Variants in NKAIN2 observed in about 807,000 individuals in gnomAD.
The protein encoded by NKAIN2 is sodium/potassium transporting ATPase interacting 2, also known as sodium/potassium-transporting ATPase subunit beta-1-interacting protein 2.
NKAIN2 carries 14 observed loss-of-function variants against 32.6 expected under a neutral mutation model. The ratio of observed to expected loss-of-function variants is 0.43; its 90% CI spans 0.28 to 0.67. NKAIN2 has a LOEUF of 0.67. NKAIN2 is among the 30% of genes least tolerant of loss of function. The probability of loss-of-function intolerance (pLI) is 0.17; values close to 1 mark genes in which losing one functional copy is unlikely to be tolerated. For synonymous variants in NKAIN2, 80 were observed against 87.2 expected, an observed-to-expected ratio of 0.92 and a Z score of 0.46; for missense variants, 198 against 258.3, an observed-to-expected ratio of 0.77 and a Z score of 1.60.
intron 1 of NKAIN2, among the ~76,000 whole-genome samples, chr6:124,203,288 A>G (rs1478195452): frequency 6.6e-6 from 1 of 151,856 alleles, no homozygotes; most frequent in Admixed American, 6.6e-5. Flanking sequence ...ATTTTAGAGT[A>G]GAGAATAACT....
intron 1 of NKAIN2, among the ~76,000 whole-genome samples, chr6:123,925,639 A>G (rs1019787990): frequency 6.6e-6 from 1 of 152,158 alleles, no homozygotes; most frequent in African/African-American, 2.4e-5. Flanking sequence ...TGCTTTGGTT[A>G]GGTCTGCATG....
chr6:123,899,321 C>A, intron 1 of NKAIN2, among the ~76,000 whole-genome samples: 1 of 152,058 alleles, frequency 6.6e-6, no homozygotes, highest in East Asian at 1.9e-4. Context: ...TCCCTCTTTT[C>A]TTCCTCTGTA....
At chr6:124,795,478 C>T (rs1779956881) in intron 5 of NKAIN2, among the ~76,000 whole-genome samples, 5 of 152,138 alleles carry the variant, frequency 3.3e-5, no homozygotes, top group Admixed American at 3.3e-4. Flanking sequence ...CATCAAATGC[C>T]TGAGAACTTT....
intron 4 of NKAIN2, among the ~76,000 whole-genome samples, chr6:124,671,374 A>T (rs548002127): frequency 2.6e-5 from 4 of 152,244 alleles, no homozygotes; most frequent in African/African-American, 9.6e-5. Context: ...ATTTTCTCTC[A>T]TAGCAAACTA....
chr6:124,200,289 T>C (rs1790533745), intron 1 of NKAIN2, among the ~76,000 whole-genome samples: 2 of 152,152 alleles, frequency 1.3e-5, no homozygotes, highest in Non-Finnish European at 2.9e-5. Context: ...ATATTTGTTA[T>C]AACAGCATAA....
intron 1 of NKAIN2, among the ~76,000 whole-genome samples, chr6:124,150,361 A>G (rs959598671): frequency 2.0e-5 from 3 of 152,216 alleles, no homozygotes; most frequent in African/African-American, 7.2e-5. Flanking sequence ...CCAAAACCTC[A>G]GACATATCTG....
In NKAIN2 at chr6:124,759,112, C is replaced by G. The variant is rs566161064; in HGVS notation, c.475-32227C>G. On this transcript the variant is annotated intron_variant, in intron 4 of 6. Transcript: ENST00000368417. ...TATTGGGCATGCCCCTAGCATTAGC[C>G]CGAGAGAGTAAGCACTGCATCTAAC... 2.0e-5 allele frequency among the ~76,000 whole-genome samples: 3 copies of G among 152,216 alleles called. No individual in the cohort carries two copies. The East Asian group carries it at 5.8e-4, about 30-fold the overall frequency.
intron 1 of NKAIN2, among the ~76,000 whole-genome samples, chr6:124,189,087 T>G (rs1789888485): frequency 6.6e-6 from 1 of 152,128 alleles, no homozygotes; most frequent in African/African-American, 2.4e-5. Context: ...CCAATTGAAA[T>G]CATGCACACC....
chr6:124,816,834 C>T (rs550970106), intron 5 of NKAIN2, among the ~76,000 whole-genome samples: 1 of 152,232 alleles, frequency 6.6e-6, no homozygotes, highest in East Asian at 1.9e-4. Flanking sequence ...ATCTTGTTGG[C>T]CTTGTGTTCT....
chr6:124,104,464 T>C (rs1044957141), intron 1 of NKAIN2, among the ~76,000 whole-genome samples: 1 of 152,212 alleles, frequency 6.6e-6, no homozygotes. Context: ...AAGTGAAGAA[T>C]ATCTTTTTCA....
intron 3 of NKAIN2, among the ~76,000 whole-genome samples, chr6:124,498,830 C>T (rs1393688285): frequency 2.6e-5 from 4 of 152,102 alleles, no homozygotes; most frequent in African/African-American, 7.2e-5. Context: ...AAAGTCATTT[C>T]GTTGTCCACT....
intron 5 of NKAIN2, among the ~76,000 whole-genome samples, chr6:124,792,550 T>C (rs1420734572): frequency 6.6e-6 from 1 of 152,184 alleles, no homozygotes; most frequent in Non-Finnish European, 1.5e-5. Context: ...ATATTTTACC[T>C]GTAGGAACTT....
At chr6:124,300,739 G>A (rs1285149481) in intron 2 of NKAIN2, among the ~76,000 whole-genome samples, 2 of 152,170 alleles carry the variant, frequency 1.3e-5, no homozygotes, top group Admixed American at 1.3e-4. Flanking sequence ...GGTAACTCTT[G>A]TTATGCTTTA....
chr6:124,476,061 A>AGTGT (rs1439410249), intron 3 of NKAIN2, among the ~76,000 whole-genome samples: 72 of 85,702 alleles, frequency 8.4e-4, no homozygotes, highest in Middle Eastern at 0.012. Flanking sequence ...AGAGAGAGAG[A>AGTGT]GAGAGTGTGT....
chr6:124,722,231 G>A (rs995872460), intron 4 of NKAIN2, among the ~76,000 whole-genome samples: 2 of 152,198 alleles, frequency 1.3e-5, no homozygotes, highest in African/African-American at 4.8e-5. Flanking sequence ...ACAGACACTT[G>A]AGTTGCTTTC....
At chr6:124,602,904 A>G (rs763656748) in intron 3 of NKAIN2, among the ~76,000 whole-genome samples, 64 of 152,028 alleles carry the variant, frequency 4.2e-4, no homozygotes, top group Non-Finnish European at 8.3e-4. Flanking sequence ...GCTGCTGAAG[A>G]TATTTGATCT....
chr6:124,471,818 C>T (rs1776986779), intron 3 of NKAIN2, among the ~76,000 whole-genome samples: 1 of 151,944 alleles, frequency 6.6e-6, no homozygotes, highest in Non-Finnish European at 1.5e-5. Flanking sequence ...TTTTTTATGC[C>T]ATTAATTGTA....
intron 3 of NKAIN2, among the ~76,000 whole-genome samples, chr6:124,379,374 G>C (rs1261061920): frequency 6.6e-6 from 1 of 150,946 alleles, no homozygotes; most frequent in Non-Finnish European, 1.5e-5. Flanking sequence ...AGGAGAGAAG[G>C]GAGGAAAGAA....
chr6:124,800,719 T>G (rs1245656984), intron 5 of NKAIN2, among the ~76,000 whole-genome samples: 1 of 152,202 alleles, frequency 6.6e-6, no homozygotes, highest in African/African-American at 2.4e-5. Context: ...CTATTATCAC[T>G]TGAAAATTAG....
Sources: gnomAD v4.1 joint callset for allele counts (sites outside exome capture counted in the v4.1 genomes callset) on GRCh38, gnomAD v4.1.1 for gene constraint, MANE v1.5 for transcripts, NCBI Gene and HGNC (gene_info 2026-07-23, HGNC 2026-07-21) for gene names.